The following AFG2A variants were observed in gnomAD, a reference collection of about 807,000 sequenced individuals.
The protein encoded by AFG2A is ATPase family gene 2 protein homolog A.
the AFG2A span, among the ~76,000 whole-genome samples, chr4:122,995,904 G>C: frequency 6.6e-6 from 1 of 152,178 alleles, no homozygotes; most frequent in South Asian, 2.1e-4. Flanking sequence ...CACTAGTAGG[G>C]TTAACGTGGT....
At chr4:123,125,503 T>C in the AFG2A span, among the ~76,000 whole-genome samples, 2 of 152,196 alleles carry the variant, frequency 1.3e-5, no homozygotes, top group African/African-American at 2.4e-5. Context: ...AAATTTTAGC[T>C]CCCTAGTTTC....
At chr4:123,003,265 T>G in the AFG2A span, among the ~76,000 whole-genome samples, 1 of 152,334 alleles carries the variant, frequency 6.6e-6, no homozygotes, top group South Asian at 2.1e-4. Context: ...CTCCTGTAGC[T>G]CGGAGTAGTT....
the AFG2A span, among the ~76,000 whole-genome samples, chr4:123,015,396 A>G: frequency 6.6e-6 from 1 of 152,036 alleles, no homozygotes; most frequent in Admixed American, 6.5e-5. Context: ...CTTAACGAGC[A>G]TGCTGCCTTC....
the AFG2A span, among the ~76,000 whole-genome samples, chr4:123,259,111 C>T: frequency 6.6e-6 from 1 of 152,104 alleles, no homozygotes; most frequent in Non-Finnish European, 1.5e-5. Context: ...AGGTGATCCG[C>T]CCACCTTGGC....
chr4:123,216,436 G>T, the AFG2A span, among the ~76,000 whole-genome samples: 1 of 151,970 alleles, frequency 6.6e-6, no homozygotes, highest in East Asian at 1.9e-4. Context: ...TTGCTTTAAG[G>T]ATTATTGCAT....
the AFG2A span, among the ~76,000 whole-genome samples, chr4:123,228,292 TTGA>T: frequency 1.3e-5 from 2 of 152,166 alleles, no homozygotes; most frequent in East Asian, 3.8e-4. Flanking sequence ...TGCTCGTTAG[TTGA>T]TGCAGTTTCT....
the AFG2A span, chr4:122,934,221 T>A: frequency 4.3e-6 from 7 of 1,614,198 alleles, no homozygotes; most frequent in Admixed American, 1.2e-4. Context: ...AGAGTGACTC[T>A]GACACTGATG....
chr4:123,112,578 CAG>C, the AFG2A span, among the ~76,000 whole-genome samples: 1 of 152,128 alleles, frequency 6.6e-6, no homozygotes, highest in Non-Finnish European at 1.5e-5. Flanking sequence ...TCTCTTCCAT[CAG>C]AGAGAATAGT....
At chr4:123,124,829 G>A in the AFG2A span, among the ~76,000 whole-genome samples, 1 of 152,174 alleles carries the variant, frequency 6.6e-6, no homozygotes, top group Non-Finnish European at 1.5e-5. Flanking sequence ...GTAAGTGAAT[G>A]AATGAATTGA....
At chr4:123,120,716 T>C in the AFG2A span, among the ~76,000 whole-genome samples, 1 of 152,186 alleles carries the variant, frequency 6.6e-6, no homozygotes, top group Non-Finnish European at 1.5e-5. Flanking sequence ...GGTAGCATAG[T>C]GCATTACTCT....
the AFG2A span, among the ~76,000 whole-genome samples, chr4:123,114,958 C>T: frequency 6.6e-6 from 1 of 152,212 alleles, no homozygotes; most frequent in Non-Finnish European, 1.5e-5. Flanking sequence ...GTTGAGGCTG[C>T]AATGGCGGCT....
chr4:123,142,266 A>C, the AFG2A span, among the ~76,000 whole-genome samples: 1 of 152,180 alleles, frequency 6.6e-6, no homozygotes, highest in Non-Finnish European at 1.5e-5. Context: ...GTATGTATGC[A>C]TGCATGTAAG....
chr4:123,296,519 A>G, the AFG2A span, among the ~76,000 whole-genome samples: 96 of 152,350 alleles, frequency 6.3e-4, 2 homozygotes, highest in Middle Eastern at 0.017. Flanking sequence ...GCTAATTTTA[A>G]TGTGGCATAA....
chr4:122,998,229 G>C, the AFG2A span, among the ~76,000 whole-genome samples: 5 of 152,012 alleles, frequency 3.3e-5, no homozygotes, highest in African/African-American at 1.2e-4. Flanking sequence ...TCAAATCCAA[G>C]GGCTTTAAGG....
At chr4:123,136,583 A>T in the AFG2A span, among the ~76,000 whole-genome samples, 1 of 151,978 alleles carries the variant, frequency 6.6e-6, no homozygotes, top group African/African-American at 2.4e-5. Context: ...CTGAGGCAGG[A>T]GAATGGCGTG....
At chr4:122,978,914 A>G in the AFG2A span, among the ~76,000 whole-genome samples, 2 of 152,244 alleles carry the variant, frequency 1.3e-5, no homozygotes, top group African/African-American at 4.8e-5. Context: ...AGAAGCAGGC[A>G]CTTCGGAGCC....
chr4:123,179,491 G>A, the AFG2A span, among the ~76,000 whole-genome samples: 1 of 152,084 alleles, frequency 6.6e-6, no homozygotes, highest in African/African-American at 2.4e-5. Flanking sequence ...GGCAATACAC[G>A]TGTGCACAGT....
At chr4:123,089,862 C>T in the AFG2A span, among the ~76,000 whole-genome samples, 9 of 152,190 alleles carry the variant, frequency 5.9e-5, no homozygotes, top group Non-Finnish European at 1.0e-4. Flanking sequence ...GTTTTACAGA[C>T]GTGAGCCACT....
the AFG2A span, among the ~76,000 whole-genome samples, chr4:123,187,847 T>G: frequency 8.6e-5 from 13 of 152,008 alleles, no homozygotes; most frequent in African/African-American, 3.1e-4. Flanking sequence ...AATACAAAAA[T>G]TAGCTGGGTA....
Sources: gnomAD v4.1 joint callset for allele counts (sites outside exome capture counted in the v4.1 genomes callset) on GRCh38, gnomAD v4.1.1 for gene constraint, MANE v1.5 for transcripts, NCBI Gene and HGNC (gene_info 2026-07-23, HGNC 2026-07-21) for gene names.